Variants in DOK6 observed in about 807,000 individuals in gnomAD.
DOK6 encodes the protein downstream of tyrosine kinase 6.
DOK6 carries 22 observed loss-of-function variants against 44.0 expected under a neutral mutation model. The ratio of observed to expected loss-of-function variants is 0.50; its 90% CI spans 0.36 to 0.71. DOK6 has a LOEUF of 0.71. Among genes scored for constraint, DOK6 ranks in the 30% least tolerant of loss-of-function variants. The probability of loss-of-function intolerance (pLI) is 0.00; values close to 1 mark genes in which losing one functional copy is unlikely to be tolerated. For missense variants in DOK6, 340 were observed against 416.4 expected (o/e 0.82, Z 1.60); for synonymous variants, 166 against 145.5 (o/e 1.14, Z -1.01).
intron 3 of DOK6, among the ~76,000 whole-genome samples, chr18:69,676,285 A>T (rs1252883048): frequency 6.6e-6 from 1 of 152,242 alleles, no homozygotes; most frequent in Non-Finnish European, 1.5e-5. Flanking sequence ...TGTTATTTTT[A>T]AAAGTATGTC....
intron 3 of DOK6, among the ~76,000 whole-genome samples, chr18:69,616,214 G>A (rs12456443): frequency 0.61 from 92,256 of 151,946 alleles, 28,084 homozygotes; most frequent in South Asian, 0.68. Flanking sequence ...TCACACTGGT[G>A]CTGCTTTGTT....
At chr18:69,471,095 C>A (rs1980088852) in intron 1 of DOK6, among the ~76,000 whole-genome samples, 1 of 151,120 alleles carries the variant, frequency 6.6e-6, no homozygotes, top group African/African-American at 2.4e-5. Flanking sequence ...ACTAAAAATA[C>A]AAAATTAGCC....
intron 2 of DOK6, among the ~76,000 whole-genome samples, chr18:69,581,311 C>T (rs1029671993): frequency 9.2e-5 from 14 of 152,146 alleles, no homozygotes; most frequent in African/African-American, 3.1e-4. Flanking sequence ...AGCCTTGTGA[C>T]AATACTTTCT....
intron 1 of DOK6, among the ~76,000 whole-genome samples, chr18:69,535,644 G>T (rs1982104015): frequency 6.6e-6 from 1 of 151,338 alleles, no homozygotes; most frequent in African/African-American, 2.4e-5. Flanking sequence ...TCATGTTTCT[G>T]ATTTTTAAGA....
chr18:69,676,883 A>G (rs1985934216), intron 3 of DOK6, among the ~76,000 whole-genome samples: 3 of 152,170 alleles, frequency 2.0e-5, no homozygotes, highest in African/African-American at 7.2e-5. Context: ...AACTTTAGAT[A>G]TGACAGGATT....
intron 5 of DOK6, among the ~76,000 whole-genome samples, chr18:69,724,356 T>C (rs933327598): frequency 6.6e-6 from 1 of 152,196 alleles, no homozygotes; most frequent in Non-Finnish European, 1.5e-5. Flanking sequence ...CTTTTGTTCA[T>C]AGAGAAGATA....
intron 6 of DOK6, among the ~76,000 whole-genome samples, chr18:69,739,326 A>G (rs1599297824): frequency 6.6e-6 from 1 of 152,206 alleles, no homozygotes; most frequent in Non-Finnish European, 1.5e-5. Context: ...TCTGGCATCT[A>G]CCTATGTAAG....
chr18:69,768,121 G>C (rs1280849279), intron 7 of DOK6, among the ~76,000 whole-genome samples: 2 of 151,984 alleles, frequency 1.3e-5, no homozygotes, highest in African/African-American at 4.8e-5. Context: ...ATCAAATTTT[G>C]TGGGGAATAT....
intron 3 of DOK6, among the ~76,000 whole-genome samples, chr18:69,619,497 A>G (rs116802400): frequency 6.6e-6 from 1 of 152,224 alleles, no homozygotes; most frequent in Admixed American, 6.5e-5. Context: ...CTTCGGCACT[A>G]CATGCCTCTT....
intron 7 of DOK6, among the ~76,000 whole-genome samples, chr18:69,823,963 A>G (rs995384823): frequency 3.3e-5 from 5 of 152,174 alleles, no homozygotes; most frequent in African/African-American, 9.7e-5. Flanking sequence ...AGTGCTACCA[A>G]CCTGACCTGT....
chr18:69,560,944 A>G (rs534410954), intron 1 of DOK6, among the ~76,000 whole-genome samples: 2 of 152,254 alleles, frequency 1.3e-5, no homozygotes, highest in African/African-American at 2.4e-5. Flanking sequence ...AAAAAATTAT[A>G]TGGTGCTCTA....
intron 5 of DOK6, among the ~76,000 whole-genome samples, chr18:69,710,052 A>C (rs2144714214): frequency 6.6e-6 from 1 of 152,214 alleles, no homozygotes; most frequent in Non-Finnish European, 1.5e-5. Context: ...GGTGGTGTGC[A>C]CCTTTAGTCC....
At chr18:69,627,035 G>A (rs2144642536) in intron 3 of DOK6, among the ~76,000 whole-genome samples, 1 of 152,236 alleles carries the variant, frequency 6.6e-6, no homozygotes, top group Non-Finnish European at 1.5e-5. Flanking sequence ...TAAGACTCTT[G>A]CTGGCCTTAT....
chr18:69,583,592 A>G (rs1388217732), intron 2 of DOK6, among the ~76,000 whole-genome samples: 1 of 152,110 alleles, frequency 6.6e-6, no homozygotes, highest in Admixed American at 6.6e-5. Flanking sequence ...GTTTACTTTA[A>G]GAAATACTTC....
intron 1 of DOK6, among the ~76,000 whole-genome samples, chr18:69,475,537 TG>T (rs1980235697): frequency 6.6e-6 from 1 of 152,338 alleles, no homozygotes; most frequent in South Asian, 2.1e-4. Context: ...TGCCAAACAT[TG>T]CTGAACATAC....
intron 3 of DOK6, among the ~76,000 whole-genome samples, chr18:69,616,081 T>A (rs1984277753): frequency 6.6e-6 from 1 of 152,220 alleles, no homozygotes; most frequent in Non-Finnish European, 1.5e-5. Context: ...TGTATCCTGG[T>A]GTCATCACTC....
At chr18:69,483,398 C>A (rs79338394) in intron 1 of DOK6, among the ~76,000 whole-genome samples, 2,054 of 152,026 alleles carry the variant, frequency 0.014, 68 homozygotes, top group African/African-American at 0.047. Context: ...GGAGTAATTG[C>A]TGTTCTTTAA....
At chr18:69,427,994 T>C (rs1978691046) in intron 1 of DOK6, among the ~76,000 whole-genome samples, 1 of 152,078 alleles carries the variant, frequency 6.6e-6, no homozygotes, top group Non-Finnish European at 1.5e-5. Context: ...GCCAGGCTGG[T>C]CTCGAACTCC....
intron 1 of DOK6, among the ~76,000 whole-genome samples, chr18:69,538,825 C>T (rs201076070): frequency 6.6e-6 from 1 of 152,048 alleles, no homozygotes; most frequent in Non-Finnish European, 1.5e-5. Flanking sequence ...TCCTCCTCCT[C>T]CCTTCTTCTT....
Sources: allele counts gnomAD v4.1 joint callset (sites outside exome capture counted in the v4.1 genomes callset), GRCh38; gene constraint gnomAD v4.1.1; transcripts MANE v1.5; gene names NCBI Gene and HGNC (gene_info 2026-07-23, HGNC 2026-07-21).